FSIP1: variants seen among roughly 807,000 people sequenced by gnomAD.
FSIP1 encodes the protein fibrous sheath interacting protein 1.
Under a neutral mutation model 60.9 loss-of-function variants are expected in FSIP1, and 65 were observed. The ratio of observed to expected loss-of-function variants is 1.07; its 90% CI spans 0.87 to 1.31. The LOEUF (loss-of-function observed/expected upper bound fraction) is 1.31. FSIP1 is among the 40% of genes most tolerant of loss of function. FSIP1 has a pLI of 0.00. For synonymous variants in FSIP1, 209 were observed against 221.2 expected (o/e 0.94, Z 0.49); for missense variants, 675 against 665.5 (o/e 1.01, Z -0.16).
At chr15:39,730,377 G>A (rs1389898022) in intron 8 of FSIP1, among the ~76,000 whole-genome samples, 1 of 152,196 alleles carries the variant, frequency 6.6e-6, no homozygotes, top group African/African-American at 2.4e-5. Flanking sequence ...TGGGGGCTAT[G>A]AGAATGGATA....
Position 39,676,478 on chromosome 15 carries a change from A to C in FSIP1, c.1188+36966T>G, listed in dbSNP as rs1893946694. On this transcript the variant is annotated intron_variant, in intron 10 of 11. Coordinates refer to ENST00000350221, the MANE Select transcript of FSIP1 (RefSeq NM_152597.5). ...GTGAGAAACCTATTGAGCAGTGAAT[A>C]GAATAATTATTCCTGAAGACTGTGT... Among the ~76,000 whole-genome samples, 3 of 152,328 alleles carry C rather than the reference A, an allele frequency of 2.0e-5. No individual in the cohort carries two copies. The South Asian group carries it at 6.2e-4, about 32-fold the overall frequency.
chr15:39,736,680 C>G (rs1488790232), intron 8 of FSIP1, among the ~76,000 whole-genome samples: 1 of 152,212 alleles, frequency 6.6e-6, no homozygotes, highest in South Asian at 2.1e-4. Flanking sequence ...AAACTACGCT[C>G]TGAATCTCTG....
At chr15:39,613,891 C>A (rs1370236810) in intron 11 of FSIP1, among the ~76,000 whole-genome samples, 1 of 152,030 alleles carries the variant, frequency 6.6e-6, no homozygotes, top group Non-Finnish European at 1.5e-5. Flanking sequence ...AAGCATTTGA[C>A]AAAATTCAAC....
chr15:39,632,560 C>T (rs138803426), intron 10 of FSIP1, among the ~76,000 whole-genome samples: 2,560 of 152,134 alleles, frequency 0.017, 80 homozygotes, highest in African/African-American at 0.058. Context: ...TTTGGGAGGC[C>T]GAGGAGGGTG....
intron 5 of FSIP1, among the ~76,000 whole-genome samples, chr15:39,751,418 AACACACACACAC>A (rs3065153): frequency 4.8e-5 from 7 of 144,754 alleles, no homozygotes; most frequent in African/African-American, 1.3e-4. Flanking sequence ...GTAATACATA[AACACACACACAC>A]ACACACACAC....
At chr15:39,726,550 CACACA>C (rs749565522) in intron 9 of FSIP1, 34 bp downstream of exon 9, 37,871 of 1,604,454 alleles carry the variant, frequency 0.024, 555 homozygotes, top group Non-Finnish European at 0.028. Context: ...ACAGCTTTAG[CACACA>C]TTAACTTGAA....
intron 6 of FSIP1, 119 bp downstream of exon 6, chr15:39,741,686 T>C: frequency 3.4e-6 from 2 of 588,374 alleles, no homozygotes; most frequent in Non-Finnish European, 6.1e-6. Context: ...TCTTGAACTC[T>C]ACTTGCTTCC....
At chr15:39,776,662 G>C in intron 1 of FSIP1, 131 bp from the exon 2 acceptor site, 2 of 776,656 alleles carry the variant, frequency 2.6e-6, no homozygotes, top group Non-Finnish European at 4.0e-6. Flanking sequence ...CACACTTAAG[G>C]GTTCCCCAGC....
intron 10 of FSIP1, among the ~76,000 whole-genome samples, chr15:39,656,404 T>G (rs2140444207): frequency 6.6e-6 from 1 of 152,292 alleles, no homozygotes; most frequent in East Asian, 1.9e-4. Flanking sequence ...CAGGTAATAT[T>G]GTTCTAAATC....
intron 1 of FSIP1, among the ~76,000 whole-genome samples, chr15:39,779,067 G>A (rs1197339538): frequency 1.3e-5 from 2 of 152,022 alleles, no homozygotes; most frequent in African/African-American, 4.8e-5. Flanking sequence ...GAAATTAAAA[G>A]GAACCTGAGA....
chr15:39,714,025 G>A (rs939205798), intron 9 of FSIP1, among the ~76,000 whole-genome samples: 1 of 152,200 alleles, frequency 6.6e-6, no homozygotes, highest in African/African-American at 2.4e-5. Flanking sequence ...CAGGAGTTTT[G>A]AATCTTTGCC....
At chr15:39,695,161 T>C (rs1894765128) in intron 10 of FSIP1, among the ~76,000 whole-genome samples, 1 of 152,150 alleles carries the variant, frequency 6.6e-6, no homozygotes, top group Non-Finnish European at 1.5e-5. Context: ...ATGCCCACCA[T>C]TTTGAAAAGG....
intron 3 of FSIP1, among the ~76,000 whole-genome samples, chr15:39,766,041 A>C (rs1172026215): frequency 6.6e-6 from 1 of 152,232 alleles, no homozygotes; most frequent in African/African-American, 2.4e-5. Context: ...TCGTGATTTT[A>C]AATCCCAAAT....
intron 10 of FSIP1, among the ~76,000 whole-genome samples, chr15:39,709,586 A>G (rs1321883248): frequency 6.6e-6 from 1 of 152,162 alleles, no homozygotes; most frequent in Non-Finnish European, 1.5e-5. Context: ...GTCATCTTGC[A>G]CTACTCTCTT....
chr15:39,722,416 C>T (rs59258887), intron 9 of FSIP1, among the ~76,000 whole-genome samples: 4,589 of 152,088 alleles, frequency 0.03, 229 homozygotes, highest in African/African-American at 0.1. Flanking sequence ...TCTCTGGGCC[C>T]GTGGAAGAAT....
intron 10 of FSIP1, among the ~76,000 whole-genome samples, chr15:39,681,485 T>C (rs1369433067): frequency 1.3e-5 from 2 of 152,206 alleles, no homozygotes; most frequent in African/African-American, 4.8e-5. Flanking sequence ...TTATTTTTTA[T>C]GAGAATGCAA....
intron 10 of FSIP1, among the ~76,000 whole-genome samples, chr15:39,629,302 G>A (rs1259996234): frequency 6.6e-6 from 1 of 152,192 alleles, no homozygotes; most frequent in Non-Finnish European, 1.5e-5. Flanking sequence ...ATCGCCCTCG[G>A]AAGGTTTACA....
rs753738646 is a variant in FSIP1 at position 39,776,471 on chromosome 15, T to C, written c.54A>G (p.Ser18=). The C allele has an allele frequency of 1.3e-5, 21 of 1,613,402 alleles. No homozygotes were observed. Among genetic ancestry groups the C allele is most frequent in the Non-Finnish European group, 1.6e-5 (19 of 1,179,468 alleles). ...LDGISKPASN[S]RIRPGSRSSN... The stretch of plus-strand genomic sequence containing the variant: ...AACTTCTGCTCCCAGGGCGTATTCT[T>C]GAATTTGAAGCTGGTTTTGAAATTC... The change falls in exon 2 of 12, where the codon TCA becomes TCG. Residue 18 remains serine (S), a synonymous_variant. Transcript: ENST00000350221.
At chr15:39,618,682 G>C (rs1168429033) in intron 10 of FSIP1, among the ~76,000 whole-genome samples, 2 of 152,232 alleles carry the variant, frequency 1.3e-5, no homozygotes, top group Non-Finnish European at 2.9e-5. Context: ...GGGCATTCCA[G>C]AGGCGGTGTA....
Sources: gnomAD v4.1 joint callset for allele counts (sites outside exome capture counted in the v4.1 genomes callset) on GRCh38, gnomAD v4.1.1 for gene constraint, MANE v1.5 for transcripts, NCBI Gene and HGNC (gene_info 2026-07-23, HGNC 2026-07-21) for gene names.